Variants in FNBP4 observed in about 807,000 individuals in gnomAD.
The protein encoded by FNBP4 is formin-binding protein 4.
FNBP4 carries 34 observed loss-of-function variants against 119.3 expected under a neutral mutation model. That is an observed-to-expected ratio of 0.28 (90% CI 0.22 to 0.38). FNBP4 has a LOEUF of 0.38. Among genes scored for constraint, FNBP4 ranks in the 10% least tolerant of loss-of-function variants. FNBP4 has a pLI of 1.00. For missense variants in FNBP4, 1,112 were observed against 1,228.9 expected (o/e 0.90, Z 1.42); for synonymous variants, 462 against 430.6 (o/e 1.07, Z -0.90).
intron 6 of FNBP4, 103 bp downstream of exon 6, chr11:47,750,813 A>G: frequency 8.2e-7 from 1 of 1,216,256 alleles, no homozygotes; most frequent in Non-Finnish European, 1.2e-6. Context: ...ATCCTATTTC[A>G]CATGTATGAC....
intron 6 of FNBP4, among the ~76,000 whole-genome samples, chr11:47,747,889 A>C (rs1319654721): frequency 1.3e-5 from 2 of 151,898 alleles, no homozygotes; most frequent in Non-Finnish European, 2.9e-5. Context: ...CAGAGGTTGC[A>C]GTGAACTGAG....
intron 12 of FNBP4, chr11:47,730,099 T>C (rs1281629865): frequency 6.1e-6 from 6 of 985,344 alleles, no homozygotes; most frequent in Non-Finnish European, 7.2e-6. Flanking sequence ...AGTGGAATTT[T>C]CAACTTTGGA....
At chr11:47,766,984 T>G in intron 1 of FNBP4, 85 bp downstream of exon 1, 1 of 1,426,602 alleles carries the variant, frequency 7.0e-7, no homozygotes, top group African/African-American at 1.5e-5. Flanking sequence ...CTCGCCCGCC[T>G]CCCTCGCCGG....
intron 12 of FNBP4, chr11:47,729,765 CACT>C: frequency 1.0e-6 from 1 of 985,422 alleles, no homozygotes. Context: ...TTTTAACCAC[CACT>C]GAGCTGATTA....
intron 12 of FNBP4, among the ~76,000 whole-genome samples, chr11:47,727,922 C>T (rs1457543214): frequency 6.6e-6 from 1 of 152,126 alleles, no homozygotes; most frequent in South Asian, 2.1e-4. Context: ...TCTTGTTGCC[C>T]AGGTTGGAGT....
chr11:47,729,417 AC>A, intron 12 of FNBP4: 1 of 985,344 alleles, frequency 1.0e-6, no homozygotes, highest in South Asian at 4.7e-5. Context: ...AAATTCAAAC[AC>A]TGAAACAACA....
chr11:47,764,715 C>T (rs1280145689), intron 2 of FNBP4, among the ~76,000 whole-genome samples: 2 of 152,134 alleles, frequency 1.3e-5, no homozygotes, highest in Non-Finnish European at 2.9e-5. Flanking sequence ...CTGGCACTTA[C>T]TATGTCACAT....
At chr11:47,723,912 T>A in intron 14 of FNBP4, 116 bp downstream of exon 14, 10 of 845,292 alleles carry the variant, frequency 1.2e-5, no homozygotes, top group South Asian at 2.3e-5. Context: ...AATAAATGCA[T>A]ACTGACAGTC....
chr11:47,717,411 A>C lies in FNBP4; in HGVS notation c.*11T>G. 6.3e-7 allele frequency: 1 copy of C among 1,595,346 alleles called. No homozygotes were observed. Among genetic ancestry groups the C allele is most frequent in the Non-Finnish European group, 8.6e-7 (1 of 1,169,028 alleles). ...AAACAATAATACAAAAAAGTTTTAA[A>C]AACTTAAAAACTATGTGTTTGGAGC... is the stretch of plus-strand genomic sequence containing the variant. On this transcript the variant is annotated 3_prime_UTR_variant, in exon 17 of 17. Transcript: ENST00000263773.
At chr11:47,724,383 T>G in intron 13 of FNBP4, 85 bp downstream of exon 13, 4 of 1,599,480 alleles carry the variant, frequency 2.5e-6, no homozygotes, top group Non-Finnish European at 3.4e-6. Context: ...GCCCGGCCTT[T>G]AAACATATGC....
intron 12 of FNBP4, among the ~76,000 whole-genome samples, chr11:47,727,167 G>A (rs1267585833): frequency 6.6e-6 from 1 of 151,744 alleles, no homozygotes; most frequent in Non-Finnish European, 1.5e-5. Context: ...ACTAAACTCT[G>A]TAAATATGAG....
chr11:47,718,289 C>G (rs1205202595), intron 16 of FNBP4, among the ~76,000 whole-genome samples: 1 of 152,062 alleles, frequency 6.6e-6, no homozygotes, highest in African/African-American at 2.4e-5. Context: ...TCTCGGCTCA[C>G]TGCAACCTCT....
intron 3 of FNBP4, among the ~76,000 whole-genome samples, 194 bp downstream of exon 3, chr11:47,754,334 T>C (rs1565158898): frequency 6.6e-6 from 1 of 151,648 alleles, no homozygotes; most frequent in Non-Finnish European, 1.5e-5. Flanking sequence ...AGCAACACAG[T>C]GAGACCCCAT....
At chr11:47,729,545 T>C in intron 12 of FNBP4, 1 of 981,420 alleles carries the variant, frequency 1.0e-6, no homozygotes, top group Non-Finnish European at 1.2e-6. Flanking sequence ...TCTTGTTCTC[T>C]GTCGCTCAGG....
At chr11:47,729,435 G>T in intron 12 of FNBP4, 1 of 985,212 alleles carries the variant, frequency 1.0e-6, no homozygotes, top group South Asian at 4.7e-5. Flanking sequence ...AACAAATAAT[G>T]ATTAAAAATG....
intron 8 of FNBP4, 30 bp downstream of exon 8, chr11:47,743,923 C>T (rs745994411): frequency 1.9e-6 from 3 of 1,596,614 alleles, no homozygotes; most frequent in South Asian, 2.2e-5. Context: ...TATCTTTCAA[C>T]TCTGAAGTTT....
At chr11:47,757,610 CAGCCTCCCGAGTAGCTGGGA>C (rs1278885476) in intron 2 of FNBP4, among the ~76,000 whole-genome samples, 1 of 152,112 alleles carries the variant, frequency 6.6e-6, no homozygotes, top group Non-Finnish European at 1.5e-5. Flanking sequence ...TCTCCTGCCT[CAGCCTCCCGAGTAGCTGGGA>C]TTACAGGTGT....
At chr11:47,742,414 G>A (rs1168480844) in intron 8 of FNBP4, among the ~76,000 whole-genome samples, 4 of 131,460 alleles carry the variant, frequency 3.0e-5, no homozygotes, top group Non-Finnish European at 4.7e-5. Context: ...GGAGGTGGAG[G>A]TTCCAGTGAG....
At chr11:47,733,920 T>C (rs1417701278) in intron 10 of FNBP4, 105 bp downstream of exon 10, 2 of 544,312 alleles carry the variant, frequency 3.7e-6, no homozygotes, top group Non-Finnish European at 6.1e-6. Context: ...GGTTAAAAAT[T>C]TAAATTTAGG....
Sources: allele counts gnomAD v4.1 joint callset (sites outside exome capture counted in the v4.1 genomes callset), GRCh38; gene constraint gnomAD v4.1.1; transcripts MANE v1.5; gene names NCBI Gene and HGNC (gene_info 2026-07-23, HGNC 2026-07-21).